The following RAPH1 variants were observed in gnomAD, a reference collection of about 807,000 sequenced individuals.
RAPH1 encodes the protein Ras association (RalGDS/AF-6) and pleckstrin homology domains 1.
RAPH1 carries 18 observed loss-of-function variants against 88.1 expected under a neutral mutation model. That is an observed-to-expected ratio of 0.20 (90% CI 0.14 to 0.30). RAPH1 has a LOEUF of 0.30. RAPH1 is among the 10% of genes least tolerant of loss of function. RAPH1 has a pLI of 1.00. For missense variants in RAPH1, 1,448 were observed against 1,543.2 expected (o/e 0.94, Z 1.03); for synonymous variants, 587 against 559.0 (o/e 1.05, Z -0.71).
chr2:203,493,011 ATAACAC>A (rs1688343095), intron 2 of RAPH1, among the ~76,000 whole-genome samples: 1 of 152,246 alleles, frequency 6.6e-6, no homozygotes. Context: ...AGGTGTACAG[ATAACAC>A]TGTAATGAAC....
At chr2:203,452,378 C>T (rs912438859) in intron 10 of RAPH1, among the ~76,000 whole-genome samples, 12 of 152,096 alleles carry the variant, frequency 7.9e-5, no homozygotes, top group Admixed American at 5.9e-4. Flanking sequence ...TACTAGAAAG[C>T]GAAAATATCT....
intron 8 of RAPH1, among the ~76,000 whole-genome samples, chr2:203,456,626 G>A (rs1019137430): frequency 6.6e-6 from 1 of 152,056 alleles, no homozygotes; most frequent in African/African-American, 2.4e-5. Flanking sequence ...TCTCCTCAAA[G>A]TACAGAAAAA....
Position 203,480,832 on chromosome 2 carries a change from C to T in RAPH1, c.732+8752G>A, listed in dbSNP as rs573685223. 7.2e-4 allele frequency among the ~76,000 whole-genome samples: 110 copies of T among 152,234 alleles called. 1 individual carries two copies. Among genetic ancestry groups the T allele is most frequent in the African/African-American group, 2.5e-3 (105 of 41,536 alleles). On this transcript the variant is annotated intron_variant, in intron 4 of 13. Coordinates refer to ENST00000319170, the MANE Select transcript of RAPH1 (RefSeq NM_213589.3). ...AGCATGATGGTTAAGAATGGAGACC[C>T]TGGTGCTAGAGTGCCTGGGTTCAAG...
At chr2:203,442,121 A>T (rs1317775749) in intron 13 of RAPH1, 28 of 1,553,192 alleles carry the variant, frequency 1.8e-5, no homozygotes, top group Non-Finnish European at 2.3e-5. Context: ...ACATTATAGC[A>T]AAAGACTGTA....
At chr2:203,462,792 T>C (rs1208747577) in intron 4 of RAPH1, among the ~76,000 whole-genome samples, 1 of 152,240 alleles carries the variant, frequency 6.6e-6, no homozygotes, top group Non-Finnish European at 1.5e-5. Context: ...TAGGCCATAA[T>C]ATGCTGTGGC....
chr2:203,495,741 C>A (rs897830448), intron 1 of RAPH1, among the ~76,000 whole-genome samples: 1 of 152,054 alleles, frequency 6.6e-6, no homozygotes, highest in African/African-American at 2.4e-5. Context: ...TTTAATGGAG[C>A]AAATTATTGT....
intron 3 of RAPH1, among the ~76,000 whole-genome samples, chr2:203,490,946 G>C (rs1238512554): frequency 6.6e-6 from 1 of 151,292 alleles, no homozygotes. Flanking sequence ...CGGGAGGCTG[G>C]GGCAGGAGAA....
Position 203,441,024 on chromosome 2 carries a change from G to A in RAPH1, c.2166C>T (p.Gly722=), listed in dbSNP as rs1340067341. 12 of 1,447,196 alleles carry A rather than the reference G, an allele frequency of 8.3e-6. No homozygotes were observed. The Admixed American group carries it at 2.2e-4, about 26-fold the overall frequency. The allele number at this position is 1,447,196 out of a possible 1,614,324, so 89.6% of individuals were successfully genotyped here. ...CAGGCTTTAGCTGGGCCATGGCAGA[G>A]CCTGGGGTTGGGGGTGGAGGAGGGG... The part of the protein sequence containing the change: ...PPPPPPPPTP[G]SAMAQLKPAP... Residue 722 remains glycine (G), a synonymous_variant, in exon 14 of 14, where the codon GGC becomes GGT. Transcript: ENST00000319170.
chr2:203,516,170 G>A (rs979018014), intron 1 of RAPH1, among the ~76,000 whole-genome samples: 3 of 152,140 alleles, frequency 2.0e-5, no homozygotes, highest in Admixed American at 1.3e-4. Flanking sequence ...CCCATGAAGT[G>A]GTACACTATT....
chr2:203,529,127 A>T (rs1207571913), intron 1 of RAPH1, among the ~76,000 whole-genome samples: 1 of 148,818 alleles, frequency 6.7e-6, no homozygotes, highest in East Asian at 2.0e-4. Context: ...CTACAGGCAC[A>T]CATCACCATG....
chr2:203,441,671 G>A, intron 13 of RAPH1: 8 of 1,307,942 alleles, frequency 6.1e-6, no homozygotes, highest in South Asian at 2.3e-5. Context: ...TAGGAAAAAT[G>A]TCCGGCTGCA....
At chr2:203,503,892 G>A (rs1252954606) in intron 1 of RAPH1, among the ~76,000 whole-genome samples, 1 of 151,602 alleles carries the variant, frequency 6.6e-6, no homozygotes, top group Non-Finnish European at 1.5e-5. Flanking sequence ...AAAAGCCAGT[G>A]GGGCAGCCAA....
At position 203,441,099 on chromosome 2, in the gene RAPH1, C is replaced by A; in HGVS notation, c.2091G>T (p.Val697=). The change falls in exon 14 of 14, where the codon GTG becomes GTT. Residue 697 remains valine, a synonymous_variant. Coordinates refer to ENST00000319170, the MANE Select transcript of RAPH1 (RefSeq NM_213589.3). Reference sequence around the variant, plus strand: ...TGGGGGGTACCAGGATCTGAGGCTTCACTGACTGTGACTGCATCACTGGGG... The same window carrying A: ...TGGGGGGTACCAGGATCTGAGGCTTAACTGACTGTGACTGCATCACTGGGG... The part of the protein sequence containing the change: ...PTPPVMQSQS[V]KPQILVPPNG... 1 of 1,607,070 alleles carries A rather than the reference C, an allele frequency of 6.2e-7. No individual in the cohort carries two copies. Among genetic ancestry groups the A allele is most frequent in the African/African-American group, 1.3e-5 (1 of 74,230 alleles).
At chr2:203,457,686 G>T in intron 7 of RAPH1, 91 bp from the exon 8 acceptor site, 4 of 941,916 alleles carry the variant, frequency 4.2e-6, no homozygotes, top group Non-Finnish European at 1.7e-6. Flanking sequence ...TGGCACAGGT[G>T]TGTGTATGTT....
chr2:203,441,269 G>A lies in RAPH1; in HGVS notation c.1921C>T (p.Pro641Ser). ...AGTGGGGGAGGAGGGGGTGGTGGAG[G>A]GGGTGGTGGAGGAGGAGGTGGGGGT... ...PPPPPPPPPP[P>S]PPPPPPPLPS... is the part of the protein sequence containing the mutation. Residue 641 changes from proline to serine, a missense_variant, in exon 14 of 14, where the codon CCT (proline) becomes TCT (serine). Pro to Ser is a moderately conservative substitution (Grantham distance 74). Transcript: ENST00000319170. 1.4e-6 allele frequency: 2 copies of A among 1,387,020 alleles called. No individual in the cohort carries two copies. Among genetic ancestry groups the A allele is most frequent in the East Asian group, 2.5e-5 (1 of 39,462 alleles). 85.9% of individuals were successfully genotyped at this position (1,387,020 alleles called of 1,614,324 possible). A position where few individuals can be genotyped will look rare whatever the true frequency, so the allele number is the denominator to read the frequency against.
Position 203,434,780 on chromosome 2 carries a change from C to T in RAPH1, c.*4657G>A, listed in dbSNP as rs181994271. The stretch of plus-strand genomic sequence containing the variant: ...CCATCCATGATAAACATAATTAATT[C>T]TCAACTTAACCATCTATAAAATATG... On this transcript the variant is annotated 3_prime_UTR_variant, in exon 14 of 14. Transcript: ENST00000319170. 6.6e-6 allele frequency: 1 copy of T among 152,422 alleles called. No homozygotes were observed. The allele number at this position is 152,422 out of a possible 1,614,324, so 9.4% of individuals were successfully genotyped here. A position where few individuals can be genotyped will look rare whatever the true frequency, so the allele number is the denominator to read the frequency against.
At position 203,438,236 on chromosome 2, in the gene RAPH1, A is replaced by G. The variant is rs750769819; in HGVS notation, c.*1201T>C. ...CTGTCTTCCCTCTCCATGTAGTCCC[A>G]TACTTAATGAGCTTTTTGTATTACA... On this transcript the variant is annotated 3_prime_UTR_variant, in exon 14 of 14. Transcript: ENST00000319170. 27 of 512,260 alleles carry G rather than the reference A, an allele frequency of 5.3e-5. No homozygotes were observed. In the Admixed American group the frequency reaches 5.3e-4, roughly 10 times the overall value. 31.7% of individuals were successfully genotyped at this position (512,260 alleles called of 1,614,324 possible).
chr2:203,470,704 T>C lies in RAPH1; in HGVS notation c.733-8779A>G, dbSNP rs111316972. 6.9e-4 allele frequency among the ~76,000 whole-genome samples: 105 copies of C among 152,354 alleles called. 2 individuals carry two copies. Among genetic ancestry groups the C allele is most frequent in the African/African-American group, 2.5e-3 (104 of 41,584 alleles). On this transcript the variant is annotated intron_variant, in intron 4 of 13. Coordinates refer to ENST00000319170, the MANE Select transcript of RAPH1 (RefSeq NM_213589.3). ...ACTCCCTTTCTCTTGTTAAAGCCTA[T>C]GAAGACCTATATAGCTTTAAATAGT...
At chr2:203,474,800 T>C (rs1041156295) in intron 4 of RAPH1, among the ~76,000 whole-genome samples, 3 of 152,214 alleles carry the variant, frequency 2.0e-5, no homozygotes, top group Admixed American at 2.0e-4. Context: ...CATACTACTG[T>C]TGTCATATTT....
Sources: gnomAD v4.1 joint callset for allele counts (sites outside exome capture counted in the v4.1 genomes callset) on GRCh38, gnomAD v4.1.1 for gene constraint, MANE v1.5 for transcripts, NCBI Gene and HGNC (gene_info 2026-07-23, HGNC 2026-07-21) for gene names.